Variants in MALRD1 observed in about 807,000 individuals in gnomAD.
MALRD1 encodes the protein MAM and LDL-receptor class A domain-containing protein 1.
In MALRD1, 247 loss-of-function variants were observed where a neutral mutation model predicts 242.1. The observed-to-expected ratio is 1.02, with a 90% confidence interval of 0.92 to 1.13. MALRD1 has a LOEUF of 1.13. MALRD1 is among the 50% of genes most tolerant of loss of function. MALRD1 has a pLI of 0.00. For synonymous variants in MALRD1, 995 were observed against 866.6 expected (o/e 1.15, Z -2.60); for missense variants, 2,989 against 2,533.1 (o/e 1.18, Z -3.86).
At chr10:19,730,832 A>G (rs906715549) in intron 39 of MALRD1, 51 bp downstream of exon 39, 8 of 1,419,090 alleles carry the variant, frequency 5.6e-6, no homozygotes, top group African/African-American at 4.2e-5. Flanking sequence ...ACACACATAC[A>G]AACACACACA....
In MALRD1 at chr10:19,238,498, A is replaced by ATATT. The variant is rs1554817785; in HGVS notation, c.2992-19186_2992-19185insTATT. ...ATAATATACATTATATATAATATAT[A>ATATT]ATATAATATATAATGTATATTATAT... On this transcript the variant is annotated intron_variant, in intron 18 of 39. Transcript: ENST00000454679. 1.4e-3 allele frequency among the ~76,000 whole-genome samples: 10 copies of ATATT among 7,142 alleles called. 1 individual carries two copies. The highest frequency in any genetic ancestry group is 3.5e-3 in the East Asian group (1 of 288). 4.7% of individuals were successfully genotyped at this position (7,142 alleles called of 152,430 possible).
intron 28 of MALRD1, among the ~76,000 whole-genome samples, chr10:19,414,131 A>G (rs951680263): frequency 6.6e-6 from 1 of 152,096 alleles, no homozygotes; most frequent in African/African-American, 2.4e-5. Context: ...TATAGACTCT[A>G]CAGAACTTTA....
intron 36 of MALRD1, among the ~76,000 whole-genome samples, chr10:19,627,981 A>G (rs1839740908): frequency 6.6e-6 from 1 of 152,192 alleles, no homozygotes; most frequent in South Asian, 2.1e-4. Flanking sequence ...TATGTAACAG[A>G]TAAACTAGAC....
intron 36 of MALRD1, among the ~76,000 whole-genome samples, chr10:19,643,361 G>A (rs891183052): frequency 1.3e-5 from 2 of 152,096 alleles, no homozygotes; most frequent in Non-Finnish European, 2.9e-5. Context: ...CAGTAGAATC[G>A]CTTGAACCTG....
intron 21 of MALRD1, among the ~76,000 whole-genome samples, chr10:19,309,960 C>T (rs1482553833): frequency 6.6e-6 from 1 of 151,442 alleles, no homozygotes; most frequent in Non-Finnish European, 1.5e-5. Flanking sequence ...CAGATTGCCC[C>T]ATCCAAAAGA....
chr10:19,264,920 T>C lies in MALRD1; in HGVS notation c.3079+7149T>C, dbSNP rs992346538. On this transcript the variant is annotated intron_variant, in intron 19 of 39. Coordinates refer to ENST00000454679, the MANE Select transcript of MALRD1 (RefSeq NM_001142308.3). ...GGAGATTTTGGTTAATTATTCAATCTCATTACTCATAATTCATCTGTTTAG... is the reference window on the plus strand; with the variant it reads ...GGAGATTTTGGTTAATTATTCAATCCCATTACTCATAATTCATCTGTTTAG... 2.6e-5 allele frequency among the ~76,000 whole-genome samples: 4 copies of C among 152,336 alleles called. No individual in the cohort carries two copies. The South Asian group carries it at 8.3e-4, about 32-fold the overall frequency.
chr10:19,545,765 C>A (rs906044983), intron 32 of MALRD1, among the ~76,000 whole-genome samples: 2 of 152,176 alleles, frequency 1.3e-5, no homozygotes, highest in African/African-American at 4.8e-5. Context: ...ACTTCTGGAC[C>A]TTTCCCCACC....
At chr10:19,264,379 G>A (rs115928878) in intron 19 of MALRD1, among the ~76,000 whole-genome samples, 2,551 of 151,776 alleles carry the variant, frequency 0.017, 70 homozygotes, top group African/African-American at 0.058. Flanking sequence ...AGTCATATTG[G>A]CCTGTAATTT....
intron 26 of MALRD1, among the ~76,000 whole-genome samples, chr10:19,371,758 A>G (rs1845391255): frequency 6.6e-6 from 1 of 152,226 alleles, no homozygotes; most frequent in Non-Finnish European, 1.5e-5. Flanking sequence ...TTATGTGCAT[A>G]TATAAAGGTG....
At chr10:19,261,957 G>T (rs1839768286) in intron 19 of MALRD1, among the ~76,000 whole-genome samples, 1 of 151,920 alleles carries the variant, frequency 6.6e-6, no homozygotes, top group African/African-American at 2.4e-5. Context: ...ATTCAAGTCA[G>T]TGTTGACTTG....
At chr10:19,344,640 C>A (rs910637770) in intron 24 of MALRD1, among the ~76,000 whole-genome samples, 1 of 147,828 alleles carries the variant, frequency 6.8e-6, no homozygotes, top group East Asian at 2.0e-4. Context: ...GTCCCTTTGA[C>A]GTTCTATATA....
intron 19 of MALRD1, among the ~76,000 whole-genome samples, chr10:19,262,733 T>C (rs1177173216): frequency 6.6e-6 from 1 of 151,680 alleles, no homozygotes; most frequent in Non-Finnish European, 1.5e-5. Flanking sequence ...CTGACTATAG[T>C]CAACAGAACT....
chr10:19,627,139 T>C (rs1839688316), intron 36 of MALRD1, among the ~76,000 whole-genome samples: 1 of 152,216 alleles, frequency 6.6e-6, no homozygotes, highest in East Asian at 1.9e-4. Flanking sequence ...ATTAAGATAA[T>C]TGGTTAGCCA....
At chr10:19,059,155 C>T (rs774980329) in intron 1 of MALRD1, among the ~76,000 whole-genome samples, 18 of 151,896 alleles carry the variant, frequency 1.2e-4, no homozygotes, top group Non-Finnish European at 1.8e-4. Flanking sequence ...TTTGTGCAGC[C>T]ATCTGTCATA....
At position 19,094,609 on chromosome 10, in the gene MALRD1, C is replaced by A. The variant is rs1462359593; in HGVS notation, c.597+6424C>A. On this transcript the variant is annotated intron_variant, in intron 4 of 39. Transcript: ENST00000454679. ...AGCTGTTCCTATTTGGCCATCTTGGCTCCTCCCCCAACTTCCTCTTTCCTT... is the reference window on the plus strand; with the variant it reads ...AGCTGTTCCTATTTGGCCATCTTGGATCCTCCCCCAACTTCCTCTTTCCTT... 2.0e-5 allele frequency among the ~76,000 whole-genome samples: 3 copies of A among 152,144 alleles called. No individual in the cohort carries two copies. The East Asian group carries it at 5.8e-4, about 29-fold the overall frequency.
chr10:19,438,299 C>T (rs1467019367), intron 28 of MALRD1, among the ~76,000 whole-genome samples: 1 of 152,082 alleles, frequency 6.6e-6, no homozygotes, highest in African/African-American at 2.4e-5. Context: ...TCAAAGTACA[C>T]ACATGTTGTA....
chr10:19,414,580 C>T (rs545159767), intron 28 of MALRD1, among the ~76,000 whole-genome samples: 1 of 151,894 alleles, frequency 6.6e-6, no homozygotes, highest in African/African-American at 2.4e-5. Flanking sequence ...ACAGCTGTGT[C>T]CAGAAAGATG....
At chr10:19,538,092 AAGC>A (rs1834769062) in intron 32 of MALRD1, among the ~76,000 whole-genome samples, 1 of 152,226 alleles carries the variant, frequency 6.6e-6, no homozygotes, top group African/African-American at 2.4e-5. Flanking sequence ...TATAAAGTGA[AAGC>A]AGTCAACAAC....
intron 14 of MALRD1, among the ~76,000 whole-genome samples, chr10:19,191,551 A>G (rs1320739058): frequency 6.6e-6 from 1 of 152,232 alleles, no homozygotes; most frequent in Non-Finnish European, 1.5e-5. Context: ...TCATGTTCAT[A>G]GAAGCATTAT....
Sources: allele counts gnomAD v4.1 joint callset (sites outside exome capture counted in the v4.1 genomes callset), GRCh38; gene constraint gnomAD v4.1.1; transcripts MANE v1.5; gene names NCBI Gene and HGNC (gene_info 2026-07-23, HGNC 2026-07-21).